Variants in PDE10A observed in about 807,000 individuals in gnomAD.
PDE10A encodes cAMP and cAMP-inhibited cGMP 3',5'-cyclic phosphodiesterase 10A.
In PDE10A, 39 loss-of-function variants were observed where a neutral mutation model predicts 97.7. That is an observed-to-expected ratio of 0.40 (90% CI 0.31 to 0.52). The LOEUF is 0.52. Among genes scored for constraint, PDE10A ranks in the 20% least tolerant of loss-of-function variants. PDE10A has a pLI of 0.56. For synonymous variants in PDE10A, 371 were observed against 376.8 expected (o/e 0.98, Z 0.18); for missense variants, 731 against 1,047.8 (o/e 0.70, Z 4.17).
chr6:165,570,793 T>C (rs1785013505), intron 1 of PDE10A, among the ~76,000 whole-genome samples: 1 of 151,956 alleles, frequency 6.6e-6, no homozygotes, highest in African/African-American at 2.4e-5. Context: ...ATTAGTAGCA[T>C]TATGTTCTAT....
At chr6:165,636,512 A>T (rs1026456859) in intron 1 of PDE10A, among the ~76,000 whole-genome samples, 2 of 152,180 alleles carry the variant, frequency 1.3e-5, no homozygotes, top group African/African-American at 4.8e-5. Flanking sequence ...CACAAGGAAA[A>T]ATGCAGGCAA....
chr6:165,368,121 G>A (rs1740810), intron 18 of PDE10A, among the ~76,000 whole-genome samples: 70,754 of 151,606 alleles, frequency 0.47, 17,355 homozygotes, highest in African/African-American at 0.63. Context: ...TCAGCCTCCC[G>A]AGTGTCTGGG....
chr6:165,546,713 AT>A (rs1227402750), intron 1 of PDE10A, among the ~76,000 whole-genome samples: 1 of 152,114 alleles, frequency 6.6e-6, no homozygotes, highest in East Asian at 1.9e-4. Context: ...TGGGGACAAG[AT>A]TTCTCAATGG....
Position 165,435,323 on chromosome 6 carries a change from G to A in PDE10A, c.1249C>T (p.Pro417Ser). ...GTGCCCTGAGTGATGGGCCCAGCAG[G>A]GATGAGGCGGGGTTTTCCTTCCTTT... Reference protein sequence around the residue: ...GIKEGKPRLIPAGPITQGTTV... With the variant: ...GIKEGKPRLISAGPITQGTTV... Residue 417 changes from proline to serine, a missense_variant, in exon 6 of 22, where the codon CCT (proline) becomes TCT (serine). Around this residue, in one of 8 missense-constraint regions of PDE10A, gnomAD observed 152 missense variants for 199.3 expected, o/e 0.76. Coordinates refer to ENST00000539869, the MANE Select transcript of PDE10A (RefSeq NM_001385079.1). 6.2e-7 allele frequency: 1 copy of A among 1,613,946 alleles called. No individual in the cohort carries two copies.
intron 1 of PDE10A, among the ~76,000 whole-genome samples, chr6:165,759,261 T>G (rs1480721743): frequency 7.1e-6 from 1 of 140,768 alleles, no homozygotes; most frequent in Non-Finnish European, 1.6e-5. Flanking sequence ...CTCAGATGGG[T>G]TTTATAAGTT....
At chr6:165,974,268 C>T (rs1420466776) in intron 1 of PDE10A, among the ~76,000 whole-genome samples, 4 of 152,176 alleles carry the variant, frequency 2.6e-5, no homozygotes, top group Non-Finnish European at 5.9e-5. Flanking sequence ...ATAGTGACTC[C>T]AACGACTGCA....
At chr6:165,678,023 A>C (rs1490091379) in intron 1 of PDE10A, among the ~76,000 whole-genome samples, 1 of 148,676 alleles carries the variant, frequency 6.7e-6, no homozygotes, top group African/African-American at 2.5e-5. Flanking sequence ...GTGTATGTGT[A>C]GCTGTTTGTG....
At chr6:165,878,730 A>G (rs1193068794) in intron 1 of PDE10A, among the ~76,000 whole-genome samples, 1 of 152,212 alleles carries the variant, frequency 6.6e-6, no homozygotes, top group Non-Finnish European at 1.5e-5. Flanking sequence ...ATGATCCTGA[A>G]TTATCCAGGT....
intron 1 of PDE10A, among the ~76,000 whole-genome samples, chr6:165,746,748 G>A (rs547759090): frequency 1.3e-5 from 2 of 152,174 alleles, no homozygotes; most frequent in African/African-American, 4.8e-5. Flanking sequence ...TTTTGCCTAT[G>A]GCAGATGGAA....
intron 1 of PDE10A, among the ~76,000 whole-genome samples, chr6:165,806,356 G>A (rs1779140250): frequency 6.6e-6 from 1 of 152,192 alleles, no homozygotes; most frequent in South Asian, 2.1e-4. Context: ...ATGTAGGGCT[G>A]GCTGCTCCAT....
At position 165,897,733 on chromosome 6, in the gene PDE10A, T is replaced by C. The variant is rs546458182; in HGVS notation, c.-615+89796A>G. On this transcript the variant is annotated intron_variant, in intron 1 of 19. Transcript: ENST00000366882. ...CCTCTGGGAATCCTGGCACACACTGTAGGTGAGCTCAGGATGTGCCTGTGG... is the reference window on the plus strand; with the variant it reads ...CCTCTGGGAATCCTGGCACACACTGCAGGTGAGCTCAGGATGTGCCTGTGG... 2.6e-5 allele frequency among the ~76,000 whole-genome samples: 4 copies of C among 151,556 alleles called. No homozygotes were observed. In the East Asian group the frequency reaches 7.8e-4, roughly 30 times the overall value.
rs541983753 is a variant in PDE10A at position 165,854,341 on chromosome 6, T to C, written c.-615+133188A>G. On this transcript the variant is annotated intron_variant, in intron 1 of 19. Coordinates refer to the PDE10A transcript ENST00000366882. ...GCGCCTGGCACAGGGACCCAGGGAC[T>C]CGAGCAGGTGGTCCCTGGGGAACGG... 9.2e-5 allele frequency among the ~76,000 whole-genome samples: 14 copies of C among 152,188 alleles called. No homozygotes were observed. The South Asian group carries it at 2.9e-3, about 32-fold the overall frequency.
At chr6:165,912,946 T>C (rs575983874) in intron 1 of PDE10A, among the ~76,000 whole-genome samples, 1 of 152,288 alleles carries the variant, frequency 6.6e-6, no homozygotes, top group African/African-American at 2.4e-5. Flanking sequence ...TGTGTACACA[T>C]ATATATACAG....
At chr6:165,483,151 C>T (rs190599745) in intron 2 of PDE10A, among the ~76,000 whole-genome samples, 2 of 152,346 alleles carry the variant, frequency 1.3e-5, no homozygotes, top group Admixed American at 6.5e-5. Flanking sequence ...CTGGCATCAA[C>T]AGGCTCCTTG....
chr6:165,327,473 T>C lies in PDE10A; in HGVS notation c.*5552A>G, dbSNP rs1332297925. On this transcript the variant is annotated 3_prime_UTR_variant, in exon 22 of 22. Coordinates refer to ENST00000539869, the MANE Select transcript of PDE10A (RefSeq NM_001385079.1). ...CAAAGATTTTGCAATATAACACTCA[T>C]ATATGCATATATACTGGCTGTTTGA... The C allele has an allele frequency of 6.6e-6, 1 of 152,220 alleles. No homozygotes were observed. The highest frequency in any genetic ancestry group is 2.4e-5 in the African/African-American group (1 of 41,464). The allele number at this position is 152,220 out of a possible 1,614,324, so 9.4% of individuals were successfully genotyped here. A position where few individuals can be genotyped will look rare whatever the true frequency, so the allele number is the denominator to read the frequency against.
chr6:165,368,856 G>A (rs1014425394), intron 18 of PDE10A, among the ~76,000 whole-genome samples: 7 of 152,244 alleles, frequency 4.6e-5, no homozygotes, highest in Non-Finnish European at 5.9e-5. Flanking sequence ...CACCTCACAC[G>A]GCCCGGTACT....
At chr6:165,348,831 T>G (rs1782492837) in intron 18 of PDE10A, among the ~76,000 whole-genome samples, 1 of 152,060 alleles carries the variant, frequency 6.6e-6, no homozygotes, top group Admixed American at 6.5e-5. Flanking sequence ...GAGCTGATGG[T>G]TTTATAAGGG....
intron 1 of PDE10A, among the ~76,000 whole-genome samples, chr6:165,805,534 C>G (rs962620104): frequency 6.6e-6 from 1 of 152,148 alleles, no homozygotes; most frequent in African/African-American, 2.4e-5. Context: ...GTTTCCAGAC[C>G]CACCCCACCT....
chr6:165,367,750 AG>A (rs1443482414), intron 18 of PDE10A, among the ~76,000 whole-genome samples: 1 of 151,976 alleles, frequency 6.6e-6, no homozygotes, highest in Non-Finnish European at 1.5e-5. Flanking sequence ...CTCTAAGTCC[AG>A]TGAAAATATC....
Sources: allele counts gnomAD v4.1 joint callset (sites outside exome capture counted in the v4.1 genomes callset), GRCh38; gene constraint gnomAD v4.1.1; regional missense constraint gnomAD v4.1.1; transcripts MANE v1.5; gene names NCBI Gene and HGNC (gene_info 2026-07-23, HGNC 2026-07-21).